FGD5: variants seen among roughly 807,000 people sequenced by gnomAD.
FGD5 encodes FYVE, RhoGEF and PH domain-containing protein 5.
FGD5 carries 28 observed loss-of-function variants against 133.4 expected under a neutral mutation model. The observed-to-expected ratio is 0.21, with a 90% CI of 0.16 to 0.29. The LOEUF is 0.29. Among genes scored for constraint, FGD5 ranks in the 10% least tolerant of loss-of-function variants. The probability of loss-of-function intolerance (pLI) is 1.00; values close to 1 mark genes in which losing one functional copy is unlikely to be tolerated. For missense variants in FGD5, 1,858 were observed against 1,895.2 expected (o/e 0.98, Z 0.36); for synonymous variants, 810 against 776.5 (o/e 1.04, Z -0.72).
At chr3:14,908,481 T>A (rs1378227314) in intron 10 of FGD5, among the ~76,000 whole-genome samples, 2 of 151,824 alleles carry the variant, frequency 1.3e-5, no homozygotes, top group Non-Finnish European at 2.9e-5. Flanking sequence ...AGACACAGTC[T>A]TGAGCACCAT....
At chr3:14,884,314 A>G (rs17040499) in intron 4 of FGD5, among the ~76,000 whole-genome samples, 12,729 of 152,180 alleles carry the variant, frequency 0.084, 812 homozygotes, top group East Asian at 0.32. Flanking sequence ...TGATTGGGAG[A>G]TAACTCTGGA....
chr3:14,895,317 C>T (rs1378647602), intron 4 of FGD5, among the ~76,000 whole-genome samples: 1 of 152,190 alleles, frequency 6.6e-6, no homozygotes, highest in Non-Finnish European at 1.5e-5. Flanking sequence ...ATGTTTTATT[C>T]TAGTTGCATC....
chr3:14,886,641 AC>A (rs2037929893), intron 4 of FGD5, among the ~76,000 whole-genome samples: 1 of 151,958 alleles, frequency 6.6e-6, no homozygotes, highest in African/African-American at 2.4e-5. Flanking sequence ...TCCCTCTCAC[AC>A]CTCGTTTTCT....
chr3:14,882,900 A>G (rs1414165854), intron 4 of FGD5, among the ~76,000 whole-genome samples: 2 of 152,090 alleles, frequency 1.3e-5, no homozygotes, highest in African/African-American at 4.8e-5. Context: ...CTTCGAATCT[A>G]TCCCTGGTTG....
At chr3:14,901,337 G>A (rs1055439285) in intron 9 of FGD5, among the ~76,000 whole-genome samples, 10 of 152,218 alleles carry the variant, frequency 6.6e-5, no homozygotes, top group Non-Finnish European at 1.5e-4. Context: ...GGGGTGCTTT[G>A]TAAACTCCTA....
intron 4 of FGD5, among the ~76,000 whole-genome samples, chr3:14,891,154 G>A (rs866640453): frequency 6.6e-6 from 1 of 152,284 alleles, no homozygotes; most frequent in Middle Eastern, 3.4e-3. Flanking sequence ...GAGCCTGCAG[G>A]GCTGGAGGCT....
At chr3:14,886,353 T>A (rs2037923755) in intron 4 of FGD5, among the ~76,000 whole-genome samples, 1 of 152,202 alleles carries the variant, frequency 6.6e-6, no homozygotes, top group Non-Finnish European at 1.5e-5. Flanking sequence ...GCTCTGCTTC[T>A]TGTGTGTTCA....
At chr3:14,889,227 C>T (rs550620615) in intron 4 of FGD5, among the ~76,000 whole-genome samples, 14 of 152,270 alleles carry the variant, frequency 9.2e-5, no homozygotes, top group East Asian at 3.9e-4. Flanking sequence ...AACTCTCGCC[C>T]GGATAGAACA....
chr3:14,855,976 C>T (rs1243880239), intron 1 of FGD5, among the ~76,000 whole-genome samples: 2 of 152,088 alleles, frequency 1.3e-5, no homozygotes, highest in Non-Finnish European at 2.9e-5. Flanking sequence ...AAGCATTTCT[C>T]CTATGTTTTC....
intron 4 of FGD5, among the ~76,000 whole-genome samples, chr3:14,891,460 A>G (rs1376116676): frequency 6.6e-6 from 1 of 152,246 alleles, no homozygotes; most frequent in Middle Eastern, 3.2e-3. Context: ...ATAGGAACAC[A>G]CATACCTTCA....
At chr3:14,895,695 A>G (rs1173717104) in intron 4 of FGD5, among the ~76,000 whole-genome samples, 1 of 152,012 alleles carries the variant, frequency 6.6e-6, no homozygotes, top group Non-Finnish European at 1.5e-5. Flanking sequence ...CAGCCTCTCA[A>G]ATAGCTGGGA....
chr3:14,834,498 CTG>C (rs1462302704), intron 1 of FGD5, among the ~76,000 whole-genome samples: 2 of 152,232 alleles, frequency 1.3e-5, no homozygotes, highest in East Asian at 3.8e-4. Flanking sequence ...ATAGCACTGT[CTG>C]TATCCATGAG....
chr3:14,878,620 A>G (rs762249846), intron 2 of FGD5, among the ~76,000 whole-genome samples: 1 of 151,918 alleles, frequency 6.6e-6, no homozygotes, highest in African/African-American at 2.4e-5. Flanking sequence ...CTATTCTCCT[A>G]CTGTGCCCAT....
chr3:14,904,538 C>T (rs1406932661), intron 9 of FGD5, among the ~76,000 whole-genome samples: 1 of 150,870 alleles, frequency 6.6e-6, no homozygotes, highest in African/African-American at 2.4e-5. Context: ...TGAGAACTTC[C>T]TTACTTTCTG....
intron 1 of FGD5, among the ~76,000 whole-genome samples, chr3:14,825,642 T>G (rs1463353066): frequency 6.6e-6 from 1 of 152,128 alleles, no homozygotes; most frequent in South Asian, 2.1e-4. Flanking sequence ...GAGCAGACCC[T>G]GATTCAAAAG....
intron 17 of FGD5, among the ~76,000 whole-genome samples, chr3:14,925,112 A>AC (rs1381246449): frequency 6.6e-6 from 1 of 150,870 alleles, no homozygotes; most frequent in African/African-American, 2.4e-5. Context: ...AAAAAAAAAA[A>AC]AAAAAAAAAA....
chr3:14,829,537 G>A (rs188683504), intron 1 of FGD5, among the ~76,000 whole-genome samples: 1 of 152,298 alleles, frequency 6.6e-6, no homozygotes, highest in East Asian at 1.9e-4. Context: ...GTTCTCCAGC[G>A]TTGATGAACT....
intron 1 of FGD5, among the ~76,000 whole-genome samples, chr3:14,848,356 A>C (rs1326828382): frequency 6.7e-6 from 1 of 149,364 alleles, no homozygotes; most frequent in African/African-American, 2.5e-5. Flanking sequence ...TCTGGGAGCC[A>C]TGGAAATCTG....
chr3:14,824,842 C>T (rs1051484294), intron 1 of FGD5, among the ~76,000 whole-genome samples: 11 of 152,116 alleles, frequency 7.2e-5, no homozygotes, highest in African/African-American at 2.7e-4. Flanking sequence ...TAAGATAGAA[C>T]GGTAAAACAA....
Sources: allele counts gnomAD v4.1 joint callset (sites outside exome capture counted in the v4.1 genomes callset), GRCh38; gene constraint gnomAD v4.1.1; transcripts MANE v1.5; gene names NCBI Gene and HGNC (gene_info 2026-07-23, HGNC 2026-07-21).